Variants in NBEA observed in about 807,000 individuals in gnomAD.
NBEA encodes the protein lysosomal-trafficking regulator 2.
In NBEA, 44 loss-of-function variants were observed where a neutral mutation model predicts 343.4. The ratio of observed to expected loss-of-function variants is 0.13; its 90% CI spans 0.10 to 0.16. The LOEUF (loss-of-function observed/expected upper bound fraction) is 0.16, where lower values mean the gene tolerates loss of function less well. Among genes scored for constraint, NBEA ranks in the 10% least tolerant of loss-of-function variants. The pLI is 1.00. For missense variants in NBEA, 2,555 were observed against 3,631.3 expected, an observed-to-expected ratio of 0.70 and a Z score of 7.62; for synonymous variants, 1,175 against 1,238.7, an observed-to-expected ratio of 0.95 and a Z score of 1.08.
chr13:35,290,303 TAAATTA>T, intron 34 of NBEA, 80 bp from the exon 35 acceptor site: 1 of 858,834 alleles, frequency 1.2e-6, no homozygotes, highest in Non-Finnish European at 1.9e-6. Flanking sequence ...GTTTTTTTTA[TAAATTA>T]AAATTATATA....
chr13:34,982,183 C>T (rs956381761), intron 1 of NBEA, among the ~76,000 whole-genome samples: 2 of 152,116 alleles, frequency 1.3e-5, no homozygotes, highest in Admixed American at 6.5e-5. Context: ...TCTTTTCTAA[C>T]ACTGTATAAC....
intron 35 of NBEA, among the ~76,000 whole-genome samples, chr13:35,298,156 A>T (rs578116635): frequency 4.2e-4 from 63 of 149,870 alleles, no homozygotes; most frequent in African/African-American, 1.5e-3. Context: ...TTAAAAATAT[A>T]TATAGATACA....
At chr13:35,573,315 C>G (rs2080536722) in intron 45 of NBEA, among the ~76,000 whole-genome samples, 1 of 152,174 alleles carries the variant, frequency 6.6e-6, no homozygotes, top group East Asian at 1.9e-4. Context: ...ACTGGAGATA[C>G]AAAGGCAATA....
chr13:35,195,062 G>A (rs1464364898), intron 30 of NBEA, among the ~76,000 whole-genome samples: 2 of 152,068 alleles, frequency 1.3e-5, no homozygotes, highest in South Asian at 4.1e-4. Context: ...TTTACGTATT[G>A]TAATTTTAAA....
intron 18 of NBEA, among the ~76,000 whole-genome samples, chr13:35,144,847 G>A (rs1254496368): frequency 1.3e-5 from 2 of 152,174 alleles, no homozygotes; most frequent in African/African-American, 2.4e-5. Context: ...TGGAACTGTT[G>A]TAATGTAAAA....
At chr13:35,305,404 C>A (rs1447622370) in intron 35 of NBEA, among the ~76,000 whole-genome samples, 2 of 152,036 alleles carry the variant, frequency 1.3e-5, no homozygotes, top group African/African-American at 4.8e-5. Flanking sequence ...AAGTTCTTTT[C>A]TTATAGTATG....
intron 1 of NBEA, among the ~76,000 whole-genome samples, chr13:35,030,248 C>T (rs2062158029): frequency 6.6e-6 from 1 of 151,408 alleles, no homozygotes; most frequent in Non-Finnish European, 1.5e-5. Context: ...CCTTCAAAAT[C>T]TTCTTTCTTG....
At chr13:35,062,340 G>A in intron 8 of NBEA, among the ~76,000 whole-genome samples, 1 of 151,228 alleles carries the variant, frequency 6.6e-6, no homozygotes, top group Non-Finnish European at 1.5e-5. Context: ...GAAAGATTGG[G>A]GTAAAAAAAT....
At chr13:35,375,457 T>C (rs979699002) in intron 38 of NBEA, among the ~76,000 whole-genome samples, 1 of 152,152 alleles carries the variant, frequency 6.6e-6, no homozygotes, top group African/African-American at 2.4e-5. Context: ...GAAAATCTCC[T>C]ACTTATTCAA....
intron 17 of NBEA, among the ~76,000 whole-genome samples, chr13:35,125,403 A>G (rs185841899): frequency 1.7e-3 from 255 of 152,334 alleles, no homozygotes; most frequent in African/African-American, 6.0e-3. Flanking sequence ...AAAATAGATC[A>G]TTTGTTTGAA....
chr13:35,172,636 A>T (rs1368649718), intron 26 of NBEA, among the ~76,000 whole-genome samples: 1 of 152,104 alleles, frequency 6.6e-6, no homozygotes, highest in Non-Finnish European at 1.5e-5. Context: ...GAATAATAAT[A>T]AAACACTTAT....
intron 55 of NBEA, among the ~76,000 whole-genome samples, chr13:35,661,117 G>C (rs139888845): frequency 2.6e-5 from 4 of 152,272 alleles, no homozygotes; most frequent in South Asian, 2.1e-4. Context: ...TGGGACTAAG[G>C]CTTCAAGAAA....
chr13:35,316,552 A>G (rs1436920823), intron 36 of NBEA, among the ~76,000 whole-genome samples: 1 of 152,216 alleles, frequency 6.6e-6, no homozygotes, highest in African/African-American at 2.4e-5. Context: ...TATTGTCAAC[A>G]GTGCTGCAGT....
intron 38 of NBEA, among the ~76,000 whole-genome samples, chr13:35,357,761 C>T (rs1296522307): frequency 6.6e-6 from 1 of 152,098 alleles, no homozygotes; most frequent in Non-Finnish European, 1.5e-5. Context: ...CTGATGTTCA[C>T]CTTTTCTCAT....
At chr13:34,980,460 A>G (rs916841957) in intron 1 of NBEA, among the ~76,000 whole-genome samples, 3 of 146,632 alleles carry the variant, frequency 2.0e-5, no homozygotes, top group African/African-American at 7.9e-5. Context: ...ACATTTATTT[A>G]TTTATTTATT....
At chr13:35,113,648 T>A (rs897483410) in intron 13 of NBEA, among the ~76,000 whole-genome samples, 2 of 152,254 alleles carry the variant, frequency 1.3e-5, no homozygotes, top group African/African-American at 4.8e-5. Context: ...TATCATCTTT[T>A]ATATCAGTAT....
intron 6 of NBEA, among the ~76,000 whole-genome samples, chr13:35,053,526 T>A (rs1357088893): frequency 2.0e-5 from 3 of 152,136 alleles, no homozygotes; most frequent in Non-Finnish European, 2.9e-5. Context: ...TACTCCCAAA[T>A]CTGTATTTTA....
At chr13:35,308,860 T>C (rs1174397382) in intron 35 of NBEA, among the ~76,000 whole-genome samples, 1 of 151,494 alleles carries the variant, frequency 6.6e-6, no homozygotes, top group South Asian at 2.1e-4. Flanking sequence ...TAATCACTTA[T>C]GTTCATAATG....
At chr13:35,415,222 A>C (rs1350327594) in intron 38 of NBEA, among the ~76,000 whole-genome samples, 2 of 152,140 alleles carry the variant, frequency 1.3e-5, no homozygotes, top group Non-Finnish European at 2.9e-5. Flanking sequence ...TGCTGTGCAG[A>C]AGCTCTTTAG....
Sources: gnomAD v4.1 joint callset for allele counts (sites outside exome capture counted in the v4.1 genomes callset) on GRCh38, gnomAD v4.1.1 for gene constraint, MANE v1.5 for transcripts, NCBI Gene and HGNC (gene_info 2026-07-23, HGNC 2026-07-21) for gene names.